ATRNL1: variants seen among roughly 807,000 people sequenced by gnomAD.
ATRNL1 encodes attractin like 1.
Under a neutral mutation model 182.7 loss-of-function variants are expected in ATRNL1, and 95 were observed. The ratio of observed to expected loss-of-function variants is 0.52; its 90% CI spans 0.44 to 0.62. The LOEUF is 0.62. Among genes scored for constraint, ATRNL1 ranks in the 20% least tolerant of loss-of-function variants. The pLI is 0.00. For synonymous variants in ATRNL1, 576 were observed against 568.3 expected (o/e 1.01, Z -0.19); for missense variants, 1,471 against 1,679.5 (o/e 0.88, Z 2.17).
At chr10:115,445,430 CAAAAAAAAAAAAAAAAAA>C (rs34068379) in intron 21 of ATRNL1, among the ~76,000 whole-genome samples, 4 of 26,120 alleles carry the variant, frequency 1.5e-4, no homozygotes, top group African/African-American at 5.3e-4. Flanking sequence ...GATTTCGCCT[CAAAAAAAAAAAAAAAAAA>C]AAAAAAAAAA....
intron 13 of ATRNL1, among the ~76,000 whole-genome samples, chr10:115,270,274 TA>T (rs1250495856): frequency 6.9e-6 from 1 of 144,720 alleles, no homozygotes; most frequent in African/African-American, 2.6e-5. Context: ...ATATTATATA[TA>T]AATATATAAA....
chr10:115,370,159 A>G (rs1554947594), intron 19 of ATRNL1, among the ~76,000 whole-genome samples: 1 of 152,232 alleles, frequency 6.6e-6, no homozygotes, highest in African/African-American at 2.4e-5. Flanking sequence ...AGGCCTCCCC[A>G]GCCATGTGGA....
chr10:115,793,339 T>C (rs1285820876), intron 27 of ATRNL1, among the ~76,000 whole-genome samples: 1 of 152,090 alleles, frequency 6.6e-6, no homozygotes, highest in African/African-American at 2.4e-5. Flanking sequence ...TAGTCTCTCA[T>C]CATAGAAAAT....
chr10:115,916,540 G>A (rs551633892), intron 28 of ATRNL1, among the ~76,000 whole-genome samples: 8 of 152,278 alleles, frequency 5.3e-5, no homozygotes, highest in Admixed American at 2.0e-4. Flanking sequence ...GCTCTCCCTC[G>A]CCTCATGGAC....
intron 8 of ATRNL1, among the ~76,000 whole-genome samples, chr10:115,185,900 G>T (rs1157618441): frequency 1.3e-5 from 2 of 152,020 alleles, no homozygotes; most frequent in Non-Finnish European, 2.9e-5. Context: ...ACGTGTGGTA[G>T]AGTTCTGCAA....
intron 7 of ATRNL1, among the ~76,000 whole-genome samples, chr10:115,169,730 A>G (rs1448916475): frequency 6.6e-6 from 1 of 152,116 alleles, no homozygotes; most frequent in Non-Finnish European, 1.5e-5. Flanking sequence ...ATCAATTTGG[A>G]GAGTATTATC....
intron 28 of ATRNL1, among the ~76,000 whole-genome samples, chr10:115,918,981 A>T (rs1952962684): frequency 6.6e-6 from 1 of 152,184 alleles, no homozygotes; most frequent in Admixed American, 6.5e-5. Context: ...AATGCCTAAG[A>T]TGATTCAGCA....
intron 8 of ATRNL1, among the ~76,000 whole-genome samples, chr10:115,201,422 G>A (rs1848574385): frequency 6.6e-6 from 1 of 152,074 alleles, no homozygotes; most frequent in Non-Finnish European, 1.5e-5. Context: ...GTGTAAGGAA[G>A]GGATCCAGTT....
intron 1 of ATRNL1, among the ~76,000 whole-genome samples, chr10:115,116,902 A>C (rs764834577): frequency 6.6e-6 from 1 of 151,984 alleles, no homozygotes; most frequent in Non-Finnish European, 1.5e-5. Flanking sequence ...TGTACTACTG[A>C]AGTTGAATAG....
chr10:115,523,830 T>G (rs1851077330), intron 25 of ATRNL1, among the ~76,000 whole-genome samples: 3 of 152,228 alleles, frequency 2.0e-5, no homozygotes, highest in Admixed American at 2.0e-4. Context: ...CACTTTTACA[T>G]TTTTAGGTGT....
At chr10:115,535,311 T>C (rs1384668033) in intron 25 of ATRNL1, among the ~76,000 whole-genome samples, 1 of 152,120 alleles carries the variant, frequency 6.6e-6, no homozygotes, top group Admixed American at 6.5e-5. Context: ...TCGTTTCTTT[T>C]TATTCTTTTT....
chr10:115,685,896 A>G (rs150101264), intron 26 of ATRNL1, among the ~76,000 whole-genome samples: 25 of 151,752 alleles, frequency 1.6e-4, no homozygotes, highest in Admixed American at 1.6e-3. Flanking sequence ...TTCATATACC[A>G]AATGCATAAT....
intron 1 of ATRNL1, among the ~76,000 whole-genome samples, chr10:115,113,374 A>G (rs1391395130): frequency 6.6e-6 from 1 of 152,074 alleles, no homozygotes; most frequent in Non-Finnish European, 1.5e-5. Flanking sequence ...TTAGGCATCC[A>G]CCTTATAGTA....
intron 26 of ATRNL1, among the ~76,000 whole-genome samples, chr10:115,566,570 TA>T (rs1389434102): frequency 2.6e-5 from 4 of 152,264 alleles, no homozygotes; most frequent in Middle Eastern, 3.4e-3. Flanking sequence ...GTTGAGTTGC[TA>T]AATGATATTA....
chr10:115,236,753 T>C (rs892887824), intron 9 of ATRNL1, among the ~76,000 whole-genome samples: 2 of 152,224 alleles, frequency 1.3e-5, no homozygotes, highest in African/African-American at 4.8e-5. Flanking sequence ...GATACATTAC[T>C]CATTAACTAA....
chr10:115,822,265 G>A (rs1555090633), intron 27 of ATRNL1, among the ~76,000 whole-genome samples: 2 of 152,136 alleles, frequency 1.3e-5, no homozygotes, highest in East Asian at 3.9e-4. Flanking sequence ...GAATCTCTGG[G>A]ACACAGCTAA....
intron 26 of ATRNL1, among the ~76,000 whole-genome samples, chr10:115,550,191 A>G (rs1290685756): frequency 6.6e-6 from 1 of 151,858 alleles, no homozygotes; most frequent in Non-Finnish European, 1.5e-5. Flanking sequence ...AAAAGTATGC[A>G]GTAGATTTAT....
At chr10:115,444,026 A>G (rs890260679) in intron 21 of ATRNL1, among the ~76,000 whole-genome samples, 1 of 152,168 alleles carries the variant, frequency 6.6e-6, no homozygotes, top group African/African-American at 2.4e-5. Flanking sequence ...CAAGCAGACA[A>G]AATTCAGAAA....
chr10:115,190,900 T>C (rs1455513286), intron 8 of ATRNL1, among the ~76,000 whole-genome samples: 2 of 152,118 alleles, frequency 1.3e-5, no homozygotes, highest in Non-Finnish European at 2.9e-5. Flanking sequence ...CTCTAGCAAC[T>C]ATCATTCCAC....
Sources: allele counts gnomAD v4.1 joint callset (sites outside exome capture counted in the v4.1 genomes callset), GRCh38; gene constraint gnomAD v4.1.1; transcripts MANE v1.5; gene names NCBI Gene and HGNC (gene_info 2026-07-23, HGNC 2026-07-21).